GABPB2: variants seen among roughly 807,000 people sequenced by gnomAD.
GABPB2 encodes the protein GA-binding protein subunit beta-2.
GABPB2 carries 23 observed loss-of-function variants against 39.1 expected under a neutral mutation model. The ratio of observed to expected loss-of-function variants is 0.59; its 90% confidence interval spans 0.42 to 0.83. The LOEUF (loss-of-function observed/expected upper bound fraction) is 0.83. Ranked by LOEUF, GABPB2 falls within the 40% of genes least tolerant of loss-of-function variation. The pLI is 0.00. For synonymous variants in GABPB2, 184 were observed against 199.3 expected (o/e 0.92, Z 0.65); for missense variants, 467 against 541.1 (o/e 0.86, Z 1.36).
At chr1:151,083,459 C>G (rs1294008308) in intron 1 of GABPB2, among the ~76,000 whole-genome samples, 3 of 152,116 alleles carry the variant, frequency 2.0e-5, no homozygotes, top group Non-Finnish European at 2.9e-5. Context: ...TGGCGAAAAC[C>G]TGTCTCTACT....
intron 7 of GABPB2, among the ~76,000 whole-genome samples, chr1:151,111,664 G>A (rs1424283143): frequency 5.3e-5 from 8 of 150,374 alleles, no homozygotes; most frequent in African/African-American, 2.0e-4. Flanking sequence ...CACCCGCCTC[G>A]GCCTCCCAAA....
In GABPB2 at chr1:151,088,169, CT is replaced by C. The variant is rs779504101; in HGVS notation, c.1-17del. 1.9e-6 allele frequency: 3 copies of C among 1,582,772 alleles called. No individual in the cohort carries two copies. The highest frequency in any genetic ancestry group is 2.6e-6 in the Non-Finnish European group (3 of 1,152,058). Reference sequence around the variant, plus strand: ...TGTTCGAGTTATAGCTACCTGAAAACTTTTGTTCCTATGCATAAAGATGTCT... The same window carrying C: ...TGTTCGAGTTATAGCTACCTGAAAACTTTGTTCCTATGCATAAAGATGTCT... On this transcript the variant is annotated intron_variant, in intron 1 of 8. Coordinates refer to ENST00000368918, the MANE Select transcript of GABPB2 (RefSeq NM_144618.3).
At chr1:151,088,905 CAGG>C (rs1342212071) in intron 2 of GABPB2, among the ~76,000 whole-genome samples, 2 of 151,832 alleles carry the variant, frequency 1.3e-5, no homozygotes, top group Non-Finnish European at 2.9e-5. Context: ...GAGGCTGAGG[CAGG>C]AGAATCGCGT....
intron 1 of GABPB2, among the ~76,000 whole-genome samples, chr1:151,075,246 C>T (rs1210738603): frequency 2.0e-5 from 3 of 151,180 alleles, no homozygotes; most frequent in Admixed American, 6.6e-5. Context: ...CTGGCTAACA[C>T]GGTGAAACTC....
At chr1:151,104,796 TCTTTCTTTTCTTTCTTTC>T (rs1679813889) in intron 6 of GABPB2, among the ~76,000 whole-genome samples, 1 of 53,880 alleles carries the variant, frequency 1.9e-5, no homozygotes, top group Non-Finnish European at 4.3e-5. Context: ...TTTCTTTCTT[TCTTTCTTTTCTTTCTTTC>T]CTTTCTTTCT....
At chr1:151,111,354 C>T (rs1334565794) in intron 7 of GABPB2, among the ~76,000 whole-genome samples, 1 of 151,786 alleles carries the variant, frequency 6.6e-6, no homozygotes, top group Admixed American at 6.6e-5. Flanking sequence ...AGCAATTCTC[C>T]AACCTCAGCC....
chr1:151,117,877 C>T (rs1053084891), intron 8 of GABPB2, 80 bp from the exon 9 acceptor site: 4 of 1,385,076 alleles, frequency 2.9e-6, no homozygotes, highest in African/African-American at 1.4e-5. Flanking sequence ...AGGCACCGCT[C>T]CTGGCCTGTC....
intron 2 of GABPB2, among the ~76,000 whole-genome samples, chr1:151,090,090 C>A (rs587710913): frequency 9.2e-5 from 14 of 152,168 alleles, no homozygotes; most frequent in African/African-American, 3.4e-4. Context: ...CAGGTGCCCA[C>A]CACCACGCCT....
At chr1:151,096,034 CA>C (rs11307389) in intron 4 of GABPB2, among the ~76,000 whole-genome samples, 85,293 of 107,400 alleles carry the variant, frequency 0.79, 33,297 homozygotes, top group East Asian at 0.94. Flanking sequence ...GTGAGACTCT[CA>C]AAAAAAAAAA....
rs1205705256 is a variant in GABPB2 at position 151,124,376 on chromosome 1, T to A, written c.*6120T>A. On this transcript the variant is annotated 3_prime_UTR_variant, in exon 9 of 9. Transcript: ENST00000368918. ...ATTGGCCAGGCTGGTCTCGAACTCC[T>A]GACCTCGTGATCCACCCTCCTTGGC... 2.0e-5 allele frequency: 3 copies of A among 151,390 alleles called. No individual in the cohort carries two copies. The highest frequency in any genetic ancestry group is 6.6e-5 in the Admixed American group (1 of 15,202). 9.4% of individuals were successfully genotyped at this position (151,390 alleles called of 1,614,324 possible).
intron 2 of GABPB2, 186 bp downstream of exon 2, chr1:151,088,483 G>A (rs1478355747): frequency 3.7e-6 from 5 of 1,335,828 alleles, no homozygotes; most frequent in Non-Finnish European, 5.1e-6. Context: ...TCCAAATTGA[G>A]AGTCTCCTGT....
At chr1:151,098,501 TAA>T (rs748009017) in intron 5 of GABPB2, among the ~76,000 whole-genome samples, 95 of 117,318 alleles carry the variant, frequency 8.1e-4, no homozygotes, top group Admixed American at 8.2e-4. Context: ...ACCCTGTCTC[TAA>T]AAAAAAAAAA....
rs999009415 is a variant in GABPB2, at chr1:151,122,443, T to C, written c.*4187T>C. On this transcript the variant is annotated 3_prime_UTR_variant, in exon 9 of 9. Transcript: ENST00000368918. ...ACCAGGTGCTAACAAGAAGCTGTTA[T>C]GTGTGGGATTTCGGAGCCTTACTTT... is the stretch of plus-strand genomic sequence containing the variant. 5 of 152,190 alleles carry C rather than the reference T, an allele frequency of 3.3e-5. No individual in the cohort carries two copies. Among genetic ancestry groups the C allele is most frequent in the African/African-American group, 9.7e-5 (4 of 41,450 alleles). 9.4% of individuals were successfully genotyped at this position (152,190 alleles called of 1,614,324 possible).
chr1:151,085,893 A>G (rs764976778), intron 1 of GABPB2, among the ~76,000 whole-genome samples: 4 of 152,092 alleles, frequency 2.6e-5, no homozygotes, highest in African/African-American at 4.8e-5. Flanking sequence ...TTGGGATTCT[A>G]TTGCTATGGA....
chr1:151,086,038 A>G (rs954522057), intron 1 of GABPB2, among the ~76,000 whole-genome samples: 1 of 152,168 alleles, frequency 6.6e-6, no homozygotes, highest in East Asian at 1.9e-4. Flanking sequence ...TGAGCCCAGG[A>G]GTTTGAGAAC....
intron 1 of GABPB2, among the ~76,000 whole-genome samples, chr1:151,079,565 A>C (rs1261964362): frequency 2.6e-5 from 4 of 151,850 alleles, no homozygotes; most frequent in African/African-American, 9.7e-5. Context: ...TAAATACGAT[A>C]AATGTAGATA....
At chr1:151,090,013 C>T (rs932444213) in intron 2 of GABPB2, among the ~76,000 whole-genome samples, 16 of 151,694 alleles carry the variant, frequency 1.1e-4, no homozygotes, top group Non-Finnish European at 2.1e-4. Context: ...TCTCAGCTCA[C>T]TGCAACCTCT....
rs148044296 is a variant in GABPB2 at position 151,107,076 on chromosome 1, C to G, written c.776C>G (p.Ser259Ter). 1 of 1,611,506 alleles carries G rather than the reference C, an allele frequency of 6.2e-7. No homozygotes were observed. Among genetic ancestry groups the G allele is most frequent in the Non-Finnish European group, 8.5e-7 (1 of 1,179,068 alleles). Residue 259 changes from serine to a stop codon, truncating the protein, a stop_gained, in exon 7 of 9, where the codon TCA becomes TGA. Coordinates refer to ENST00000368918, the MANE Select transcript of GABPB2 (RefSeq NM_144618.3). LOFTEE classifies it high-confidence loss of function. ...EEIIEGNSVDSSIQQVMGSGG... is the reference protein window; with the variant it reads ...EEIIEGNSVD ...ATTATAGAAGGAAATTCCGTTGACT[C>G]ATCAATCCAGCAAGTAATGGGGAGT...
Position 151,118,331 on chromosome 1 carries a change from T to C in GABPB2, c.*75T>C, listed in dbSNP as rs1461653938. 8.0e-6 allele frequency: 11 copies of C among 1,371,528 alleles called. No individual in the cohort carries two copies. Among genetic ancestry groups the C allele is most frequent in the Non-Finnish European group, 1.1e-5 (11 of 1,003,874 alleles). 85.0% of individuals were successfully genotyped at this position (1,371,528 alleles called of 1,614,324 possible). On this transcript the variant is annotated 3_prime_UTR_variant, in exon 9 of 9. Coordinates refer to ENST00000368918, the MANE Select transcript of GABPB2 (RefSeq NM_144618.3). ...AAAGGAAATATACAGAAGACAAACA[T>C]TGTATAAAAACTAAGAGTGTCTTTA...
Sources: gnomAD v4.1 joint callset for allele counts (sites outside exome capture counted in the v4.1 genomes callset) on GRCh38, gnomAD v4.1.1 for gene constraint, MANE v1.5 for transcripts, NCBI Gene and HGNC (gene_info 2026-07-23, HGNC 2026-07-21) for gene names.